EPS8L1: variants seen among roughly 807,000 people sequenced by gnomAD.
The protein encoded by EPS8L1 is epidermal growth factor receptor kinase substrate 8-like protein 1.
In EPS8L1, 101 loss-of-function variants were observed where a neutral mutation model predicts 91.7. The ratio of observed to expected loss-of-function variants is 1.10; its 90% confidence interval spans 0.94 to 1.30. The LOEUF (loss-of-function observed/expected upper bound fraction) is 1.30, where lower values mean the gene tolerates loss of function less well. Among genes scored for constraint, EPS8L1 ranks in the 50% most tolerant of loss-of-function variants. The probability of loss-of-function intolerance (pLI) is 0.00; values close to 1 mark genes in which losing one functional copy is unlikely to be tolerated. For synonymous variants in EPS8L1, 506 were observed against 445.3 expected, an observed-to-expected ratio of 1.14 and a Z score of -1.72; for missense variants, 1,114 against 1,017.0, an observed-to-expected ratio of 1.10 and a Z score of -1.30.
chr19:55,085,310 C>T (rs1016413149), intron 14 of EPS8L1, among the ~76,000 whole-genome samples: 17 of 152,250 alleles, frequency 1.1e-4, no homozygotes, highest in Middle Eastern at 3.4e-3. Flanking sequence ...GGACTACAGG[C>T]GCGTGCCACC....
At chr19:55,085,673 CA>C in intron 14 of EPS8L1, 167 bp from the exon 15 acceptor site, 1 of 752,920 alleles carries the variant, frequency 1.3e-6, no homozygotes, top group Non-Finnish European at 2.1e-6. Context: ...ACGGAGGGAG[CA>C]AATATATTCA....
chr19:55,086,957 C>G, intron 18 of EPS8L1, 69 bp downstream of exon 18: 25 of 1,397,196 alleles, frequency 1.8e-5, no homozygotes, highest in Non-Finnish European at 2.3e-5. Flanking sequence ...TCCGATCGGC[C>G]GGGAGTCGGG....
At chr19:55,078,925 G>A in intron 3 of EPS8L1, 74 bp from the exon 4 acceptor site, 3 of 1,488,006 alleles carry the variant, frequency 2.0e-6, no homozygotes, top group South Asian at 1.1e-5. Flanking sequence ...GGGGCTGGGG[G>A]CCTGGACTCC....
In EPS8L1 at chr19:55,083,770, G is replaced by T. The variant is rs2076323931; in HGVS notation, c.1385+126G>T. The T allele has an allele frequency of 3.1e-6, 4 of 1,275,498 alleles. No homozygotes were observed. In the East Asian group the frequency reaches 1.1e-4, roughly 34 times the overall value. 79.0% of individuals were successfully genotyped at this position (1,275,498 alleles called of 1,614,324 possible). A position where few individuals can be genotyped will look rare whatever the true frequency, so the allele number is the denominator to read the frequency against. ...CTGTCTTCCTGGCTCTTCTCAGGTGGGTGAGATGGTGATGGGGCGGGCCGG... is the reference window on the plus strand; with the variant it reads ...CTGTCTTCCTGGCTCTTCTCAGGTGTGTGAGATGGTGATGGGGCGGGCCGG... On this transcript the variant is annotated intron_variant, in intron 14 of 19. Coordinates refer to ENST00000201647, the MANE Select transcript of EPS8L1 (RefSeq NM_133180.3). The surrounding 1 kb of genome is among the most constrained non-coding windows in gnomAD (Gnocchi z 4.7).
At chr19:55,087,198 T>A (rs2076361966) in intron 18 of EPS8L1, 105 bp from the exon 19 acceptor site, 1 of 1,460,540 alleles carries the variant, frequency 6.8e-7, no homozygotes, top group Non-Finnish European at 9.1e-7. Context: ...CCGCTAGAGC[T>A]AGAATGCTGT....
intron 2 of EPS8L1, 66 bp from the exon 3 acceptor site, chr19:55,078,022 G>A: frequency 6.6e-7 from 1 of 1,511,638 alleles, no homozygotes; most frequent in East Asian, 2.3e-5. Context: ...TTGCTGCCCT[G>A]CTTGGCATTT....
chr19:55,082,286 C>T lies in EPS8L1; in HGVS notation c.1002C>T (p.Arg334=), dbSNP rs147655355. 1.7e-4 allele frequency: 282 copies of T among 1,612,060 alleles called. No individual in the cohort carries two copies. The highest frequency in any genetic ancestry group is 4.2e-4 in the South Asian group (38 of 90,966). The change falls in exon 11 of 20, where the codon CGC becomes CGT. Residue 334 remains arginine (R), a synonymous_variant. Transcript: ENST00000201647. ...KYAFSLLARL[R]GNIADPSSPE... is the part of the protein sequence containing the mutation. ...TCCCCACGCCCCAGGCCCGGCTGCGCGGCAACATCGCCGACCCCTCCTCTC... is the reference window on the plus strand; with the variant it reads ...TCCCCACGCCCCAGGCCCGGCTGCGTGGCAACATCGCCGACCCCTCCTCTC...
In EPS8L1 at chr19:55,081,308, G is replaced by A. The variant is rs1287551008; in HGVS notation, c.590G>A (p.Arg197His). Residue 197 changes from arginine to histidine, a missense_variant, in exon 8 of 20, where the codon CGC becomes CAC. Transcript: ENST00000201647. The surrounding 1 kb of genome is among the most constrained non-coding windows in gnomAD (Gnocchi z 4.9). ...TPPLQRRPSV[R>H]AVISTVERGA... ...CCCCTGCAGCGCCGCCCGTCAGTCCGCGCAGTGATCAGCACCGTAGAGCGG... is the reference window on the plus strand; with the variant it reads ...CCCCTGCAGCGCCGCCCGTCAGTCCACGCAGTGATCAGCACCGTAGAGCGG... The A allele has an allele frequency of 1.9e-6, 3 of 1,553,784 alleles. No individual in the cohort carries two copies. The highest frequency in any genetic ancestry group is 1.9e-5 in the Admixed American group (1 of 51,512).
At chr19:55,077,624 C>G (rs141662297) in intron 2 of EPS8L1, among the ~76,000 whole-genome samples, 8,471 of 124,014 alleles carry the variant, frequency 0.068, 412 homozygotes, top group Non-Finnish European at 0.098. Flanking sequence ...GAGTCTCACT[C>G]TGCTGCCAGG....
At position 55,083,499 on chromosome 19, in the gene EPS8L1, C is replaced by T. The variant is rs1344911011; in HGVS notation, c.1336C>T (p.His446Tyr). 6.2e-7 allele frequency: 1 copy of T among 1,611,448 alleles called. No homozygotes were observed. Among genetic ancestry groups the T allele is most frequent in the African/African-American group, 1.3e-5 (1 of 74,910 alleles). Residue 446 changes from histidine to tyrosine, a missense_variant, in exon 13 of 20, where the codon CAC becomes TAC. By Grantham distance (83) the His-to-Tyr change is moderately conservative (BLOSUM62 2). Transcript: ENST00000201647. The surrounding 1 kb of genome is among the most constrained non-coding windows in gnomAD (Gnocchi z 4.7). ...WEDPVEKQLQHERRRRQQSAP... is the reference protein window; with the variant it reads ...WEDPVEKQLQYERRRRQQSAP... The stretch of plus-strand genomic sequence containing the variant: ...GGACCCAGTTGAGAAACAGCTACAG[C>T]ACGAGCGGAGGCGCCGGCAGGTGAC...
Position 55,083,443 on chromosome 19 carries a change from C to G in EPS8L1, c.1280C>G (p.Pro427Arg). 11 of 1,612,750 alleles carry G rather than the reference C, an allele frequency of 6.8e-6. No individual in the cohort carries two copies. The highest frequency in any genetic ancestry group is 9.3e-6 in the Non-Finnish European group (11 of 1,179,858). Residue 427 changes from proline (P) to arginine (R), a missense_variant, in exon 13 of 20, where the codon CCG becomes CGG. Physicochemically the swap from Pro to Arg is moderately radical, Grantham distance 103 (BLOSUM62 -2). Coordinates refer to ENST00000201647, the MANE Select transcript of EPS8L1 (RefSeq NM_133180.3). The surrounding 1 kb of genome is among the most constrained non-coding windows in gnomAD (Gnocchi z 4.7). ...GAGTTCTTCAGCGGCTGGGAGCCGC[C>G]GGTCACTGACCCGCAGAGCCGCGCC... is the stretch of plus-strand genomic sequence containing the variant. ...RPEFFSGWEP[P>R]VTDPQSRAWE...
At chr19:55,076,261 G>A (rs2076131074) in intron 1 of EPS8L1, 147 bp from the exon 2 acceptor site, 1 of 637,114 alleles carries the variant, frequency 1.6e-6, no homozygotes, top group Middle Eastern at 3.5e-4. Context: ...TGGACTTCTG[G>A]GTCTGAGGGA....
chr19:55,080,705 A>C (rs1353830327), intron 6 of EPS8L1, 67 bp from the exon 7 acceptor site: 2 of 1,582,342 alleles, frequency 1.3e-6, no homozygotes, highest in African/African-American at 2.7e-5. Context: ...AAAATCGGCC[A>C]GGGGCGAGGC....
chr19:55,081,011 T>C lies in EPS8L1; in HGVS notation c.512+157T>C. 1 of 890,960 alleles carries C rather than the reference T, an allele frequency of 1.1e-6. No homozygotes were observed. The highest frequency in any genetic ancestry group is 1.7e-6 in the Non-Finnish European group (1 of 600,032). 55.2% of individuals were successfully genotyped at this position (890,960 alleles called of 1,614,324 possible). On this transcript the variant is annotated intron_variant, in intron 7 of 19. Coordinates refer to ENST00000201647, the MANE Select transcript of EPS8L1 (RefSeq NM_133180.3). This position sits in a 1 kb window ranked among gnomAD's most constrained non-coding sequence, Gnocchi z 4.9. Reference sequence around the variant, plus strand: ...GTACCTCCCAGACGAGCTGACCCCTTCTCCAGAACTCTGCTTCTTTTCTCT... The same window carrying C: ...GTACCTCCCAGACGAGCTGACCCCTCCTCCAGAACTCTGCTTCTTTTCTCT...
At chr19:55,082,749 G>C (rs901368693) in intron 12 of EPS8L1, 147 bp downstream of exon 12, 1 of 742,980 alleles carries the variant, frequency 1.3e-6, no homozygotes, top group Non-Finnish European at 2.1e-6. Context: ...GCGGGGCTTA[G>C]GACAGATGCC....
chr19:55,076,096 G>GCTGGGGGT (rs1568769757), intron 1 of EPS8L1, among the ~76,000 whole-genome samples, 177 bp downstream of exon 1: 36 of 115,878 alleles, frequency 3.1e-4, no homozygotes, highest in Non-Finnish European at 4.6e-4. Flanking sequence ...GGGAGGAGGG[G>GCTGGGGGT]CTGAGGGCCT....
chr19:55,085,757 A>C, intron 14 of EPS8L1, 84 bp from the exon 15 acceptor site: 1 of 1,506,412 alleles, frequency 6.6e-7, no homozygotes, highest in Non-Finnish European at 8.9e-7. Context: ...GCTTGGCTCT[A>C]ACCCCAGCTC....
rs2076248281 is a variant in EPS8L1, at chr19:55,081,128, C to T, written c.513-103C>T. 7.3e-7 allele frequency: 1 copy of T among 1,364,682 alleles called. No individual in the cohort carries two copies. Among genetic ancestry groups the T allele is most frequent in the Non-Finnish European group, 9.6e-7 (1 of 1,036,796 alleles). The allele number at this position is 1,364,682 out of a possible 1,614,324, so 84.5% of individuals were successfully genotyped here. On this transcript the variant is annotated intron_variant, in intron 7 of 19. Transcript: ENST00000201647. The surrounding 1 kb of genome is among the most constrained non-coding windows in gnomAD (Gnocchi z 4.9). ...CTACCTCGTTGAACTTGTTCACTCC[C>T]TTTGAGCCTTTTGAGCCTGTGTGTC...
chr19:55,078,052 T>G (rs1166735044), intron 2 of EPS8L1, 36 bp from the exon 3 acceptor site: 1 of 1,611,430 alleles, frequency 6.2e-7, no homozygotes, highest in African/African-American at 1.3e-5. Flanking sequence ...CTGCCCCCAG[T>G]CCCACAGTCT....
Sources: allele counts gnomAD v4.1 joint callset (sites outside exome capture counted in the v4.1 genomes callset), GRCh38; gene constraint gnomAD v4.1.1; non-coding constraint Gnocchi (gnomAD v3.1); transcripts MANE v1.5; gene names NCBI Gene and HGNC (gene_info 2026-07-23, HGNC 2026-07-21).